The following SGCZ variants were observed in gnomAD, a reference collection of about 807,000 sequenced individuals.
SGCZ encodes sarcoglycan zeta, also known as zeta-sarcoglycan.
Under a neutral mutation model 41.3 loss-of-function variants are expected in SGCZ, and 40 were observed. The observed-to-expected ratio is 0.97, with a 90% confidence interval of 0.75 to 1.26. SGCZ has a LOEUF of 1.26. SGCZ is among the 50% of genes most tolerant of loss of function. The probability of loss-of-function intolerance (pLI) is 0.00; values close to 1 mark genes in which losing one functional copy is unlikely to be tolerated. For missense variants in SGCZ, 552 were observed against 369.8 expected (o/e 1.49, Z -4.04); for synonymous variants, 206 against 137.5 (o/e 1.50, Z -3.49).
At chr8:14,836,880 G>T (rs1436191597) in intron 1 of SGCZ, among the ~76,000 whole-genome samples, 3 of 152,082 alleles carry the variant, frequency 2.0e-5, no homozygotes, top group Non-Finnish European at 4.4e-5. Flanking sequence ...TACTTTCATG[G>T]AAAACAATAT....
chr8:14,482,855 G>T (rs28489374), intron 2 of SGCZ, among the ~76,000 whole-genome samples: 6,056 of 151,880 alleles, frequency 0.04, 164 homozygotes, highest in East Asian at 0.078. Context: ...CTCATTCTCA[G>T]GCCTTCAGAC....
intron 1 of SGCZ, among the ~76,000 whole-genome samples, chr8:14,641,683 C>T (rs1030015518): frequency 2.0e-5 from 3 of 151,588 alleles, no homozygotes; most frequent in Admixed American, 6.6e-5. Context: ...TTCTGTTGTT[C>T]CCTGAAGGAC....
At chr8:14,242,030 A>G (rs1798911108) in intron 3 of SGCZ, among the ~76,000 whole-genome samples, 1 of 152,214 alleles carries the variant, frequency 6.6e-6, no homozygotes, top group Admixed American at 6.5e-5. Flanking sequence ...AAGAAAGGAG[A>G]CAGACTTCTT....
At chr8:14,147,124 A>G (rs1803552129) in intron 5 of SGCZ, among the ~76,000 whole-genome samples, 1 of 152,032 alleles carries the variant, frequency 6.6e-6, no homozygotes, top group African/African-American at 2.4e-5. Context: ...TAGATACACA[A>G]AAACTAAAAA....
At chr8:14,382,995 T>C (rs1466973250) in intron 2 of SGCZ, among the ~76,000 whole-genome samples, 1 of 152,148 alleles carries the variant, frequency 6.6e-6, no homozygotes, top group Non-Finnish European at 1.5e-5. Flanking sequence ...AAAACATATG[T>C]GGAAGCATGC....
chr8:14,219,074 T>A (rs956010409), intron 4 of SGCZ, among the ~76,000 whole-genome samples: 1 of 152,204 alleles, frequency 6.6e-6, no homozygotes, highest in Non-Finnish European at 1.5e-5. Context: ...AACAAAATTG[T>A]TCTTTTGAAG....
chr8:14,896,565 C>T (rs1475767643), intron 1 of SGCZ, among the ~76,000 whole-genome samples: 2 of 152,102 alleles, frequency 1.3e-5, no homozygotes, highest in Non-Finnish European at 2.9e-5. Flanking sequence ...CAAACTCCAC[C>T]TCTCAGGTTC....
intron 2 of SGCZ, among the ~76,000 whole-genome samples, chr8:14,369,487 T>G (rs1026705542): frequency 6.6e-6 from 1 of 151,980 alleles, no homozygotes; most frequent in Non-Finnish European, 1.5e-5. Flanking sequence ...TGGCAGTTTA[T>G]CCCATTAATG....
At chr8:15,207,653 A>G (rs11203680) in intron 1 of SGCZ, among the ~76,000 whole-genome samples, 118,764 of 152,004 alleles carry the variant, frequency 0.78, 46,858 homozygotes, top group Non-Finnish European at 0.83. Flanking sequence ...ATATGGAAAA[A>G]AAGGGTTGTT....
chr8:14,257,279 C>T (rs772321463), intron 3 of SGCZ, among the ~76,000 whole-genome samples: 2 of 151,506 alleles, frequency 1.3e-5, no homozygotes, highest in Admixed American at 6.6e-5. Flanking sequence ...TGCAGTGAAC[C>T]GTGATTGTGC....
intron 1 of SGCZ, among the ~76,000 whole-genome samples, chr8:14,884,845 A>T (rs191365959): frequency 2.0e-5 from 3 of 152,064 alleles, no homozygotes; most frequent in African/African-American, 7.2e-5. Flanking sequence ...TCTCCTTTCA[A>T]TCCTCCAGTC....
intron 1 of SGCZ, among the ~76,000 whole-genome samples, chr8:14,808,279 T>C (rs1378227856): frequency 6.6e-6 from 1 of 151,912 alleles, no homozygotes; most frequent in Non-Finnish European, 1.5e-5. Flanking sequence ...GAAACTACCA[T>C]CAGAGTGAAC....
intron 1 of SGCZ, among the ~76,000 whole-genome samples, chr8:14,770,712 A>C (rs1585246055): frequency 6.6e-6 from 1 of 152,102 alleles, no homozygotes; most frequent in Admixed American, 6.6e-5. Flanking sequence ...GTGCTGTTGA[A>C]ATGAAGAATA....
At chr8:14,850,887 C>A (rs946796990) in intron 1 of SGCZ, among the ~76,000 whole-genome samples, 5 of 152,146 alleles carry the variant, frequency 3.3e-5, no homozygotes, top group African/African-American at 1.2e-4. Flanking sequence ...TTCCCCTTCG[C>A]CTTCCACCAG....
At chr8:14,114,891 A>G (rs1563135029) in intron 5 of SGCZ, among the ~76,000 whole-genome samples, 2 of 151,990 alleles carry the variant, frequency 1.3e-5, no homozygotes, top group Non-Finnish European at 1.5e-5. Flanking sequence ...TTTAGTCAAC[A>G]ATAAGAGTAA....
At chr8:14,364,377 T>C (rs1188671946) in intron 2 of SGCZ, among the ~76,000 whole-genome samples, 1 of 152,184 alleles carries the variant, frequency 6.6e-6, no homozygotes, top group Non-Finnish European at 1.5e-5. Flanking sequence ...CACATACATA[T>C]AGGAATTATT....
chr8:15,017,413 C>T (rs28499073), intron 1 of SGCZ, among the ~76,000 whole-genome samples: 2,389 of 152,200 alleles, frequency 0.016, 66 homozygotes, highest in African/African-American at 0.054. Flanking sequence ...CTCAGCATGC[C>T]CCTTAACTTT....
At chr8:14,806,861 C>T (rs1349692586) in intron 1 of SGCZ, among the ~76,000 whole-genome samples, 3 of 151,314 alleles carry the variant, frequency 2.0e-5, no homozygotes, top group African/African-American at 4.9e-5. Flanking sequence ...AATCCAGCAG[C>T]ACATCAAAAA....
intron 2 of SGCZ, among the ~76,000 whole-genome samples, chr8:14,470,446 C>T (rs1467490680): frequency 6.6e-6 from 1 of 151,950 alleles, no homozygotes; most frequent in South Asian, 2.1e-4. Context: ...TAGGAAGGAA[C>T]AAATTCTTAT....
Sources: gnomAD v4.1 joint callset for allele counts (sites outside exome capture counted in the v4.1 genomes callset) on GRCh38, gnomAD v4.1.1 for gene constraint, MANE v1.5 for transcripts, NCBI Gene and HGNC (gene_info 2026-07-23, HGNC 2026-07-21) for gene names.